ADARB2: variants seen among roughly 807,000 people sequenced by gnomAD.
The protein encoded by ADARB2 is adenosine deaminase RNA specific B2 (inactive).
In ADARB2, 25 loss-of-function variants were observed where a neutral mutation model predicts 62.2. The ratio of observed to expected loss-of-function variants is 0.40; its 90% CI spans 0.29 to 0.56. The LOEUF is 0.56. ADARB2 is among the 20% of genes least tolerant of loss of function. ADARB2 has a pLI of 0.43. For synonymous variants in ADARB2, 572 were observed against 500.8 expected (o/e 1.14, Z -1.90); for missense variants, 1,071 against 1,077.4 (o/e 0.99, Z 0.08).
chr10:1,284,362 T>C (rs1266828828), intron 3 of ADARB2, among the ~76,000 whole-genome samples: 1 of 152,140 alleles, frequency 6.6e-6, no homozygotes, highest in Non-Finnish European at 1.5e-5. Flanking sequence ...CAGCAGTTTG[T>C]TGTTTTGCTT....
intron 3 of ADARB2, among the ~76,000 whole-genome samples, chr10:1,275,900 C>T (rs1831311914): frequency 6.6e-6 from 1 of 152,012 alleles, no homozygotes; most frequent in Non-Finnish European, 1.5e-5. Context: ...TTAATCCAGT[C>T]TATCATTGTT....
chr10:1,690,628 C>A (rs565702614), intron 1 of ADARB2, among the ~76,000 whole-genome samples: 1 of 152,212 alleles, frequency 6.6e-6, no homozygotes, highest in African/African-American at 2.4e-5. Flanking sequence ...GAAGGCAGCC[C>A]CTGCTCTCCT....
At chr10:1,697,861 C>T (rs546939440) in intron 1 of ADARB2, among the ~76,000 whole-genome samples, 56 of 152,294 alleles carry the variant, frequency 3.7e-4, no homozygotes, top group Admixed American at 1.2e-3. Context: ...TTGCTTACTC[C>T]GTAACCGTGA....
intron 8 of ADARB2, chr10:1,186,709 C>T: frequency 2.5e-6 from 1 of 407,662 alleles, no homozygotes; most frequent in South Asian, 1.8e-5. Flanking sequence ...GGCGTCTTGG[C>T]CAGGGCATTG....
chr10:1,353,940 C>T (rs989258749), intron 3 of ADARB2, among the ~76,000 whole-genome samples: 2 of 152,140 alleles, frequency 1.3e-5, no homozygotes, highest in Admixed American at 6.5e-5. Flanking sequence ...TACACAGCCC[C>T]GTAAATAACA....
chr10:1,343,017 AT>A (rs1291064305), intron 3 of ADARB2, among the ~76,000 whole-genome samples: 2 of 152,232 alleles, frequency 1.3e-5, no homozygotes, highest in African/African-American at 4.8e-5. Context: ...GGGTGTGGTC[AT>A]GACCTGCTGG....
intron 1 of ADARB2, among the ~76,000 whole-genome samples, chr10:1,547,821 T>A (rs1446702936): frequency 6.9e-6 from 1 of 145,182 alleles, no homozygotes; most frequent in African/African-American, 2.6e-5. Context: ...GTGTATACAC[T>A]GTGGGGAGGG....
At chr10:1,694,284 C>T (rs903429028) in intron 1 of ADARB2, among the ~76,000 whole-genome samples, 2 of 152,178 alleles carry the variant, frequency 1.3e-5, no homozygotes, top group African/African-American at 4.8e-5. Context: ...GAAATTCATG[C>T]TTAAAATAGC....
intron 4 of ADARB2, among the ~76,000 whole-genome samples, chr10:1,266,358 G>A (rs1208219571): frequency 1.3e-5 from 2 of 152,338 alleles, no homozygotes; most frequent in Middle Eastern, 3.4e-3. Flanking sequence ...TGTGGTAGTT[G>A]GCCAAGCATC....
intron 1 of ADARB2, among the ~76,000 whole-genome samples, chr10:1,530,551 C>G (rs1478754394): frequency 2.6e-5 from 4 of 152,246 alleles, no homozygotes; most frequent in Non-Finnish European, 5.9e-5. Context: ...GCGGCCTGCT[C>G]TTCATGCGGA....
chr10:1,629,157 T>C (rs1010247393), intron 1 of ADARB2, among the ~76,000 whole-genome samples: 6 of 152,170 alleles, frequency 3.9e-5, no homozygotes, highest in Non-Finnish European at 5.9e-5. Context: ...GTTATTATTT[T>C]TTAATTTTGA....
chr10:1,378,534 T>C (rs1416176853), intron 2 of ADARB2, among the ~76,000 whole-genome samples: 1 of 152,100 alleles, frequency 6.6e-6, no homozygotes, highest in African/African-American at 2.4e-5. Flanking sequence ...CAGGTGAGGA[T>C]GGGACTGCAG....
chr10:1,375,967 ACATGTGCACACACACGCACACACACG>A (rs1423923678), intron 2 of ADARB2, among the ~76,000 whole-genome samples: 6 of 151,242 alleles, frequency 4.0e-5, no homozygotes, highest in African/African-American at 1.5e-4. Context: ...GCACACACAC[ACATGTGCACACACACGCACACACACG>A]CACATGACAC....
intron 1 of ADARB2, among the ~76,000 whole-genome samples, chr10:1,522,154 T>C (rs866639602): frequency 7.2e-5 from 11 of 152,176 alleles, no homozygotes; most frequent in Admixed American, 6.5e-4. Context: ...TATTTTAGTG[T>C]TGAGACCCTG....
chr10:1,527,334 G>A (rs146058742), intron 1 of ADARB2, among the ~76,000 whole-genome samples: 37 of 152,268 alleles, frequency 2.4e-4, no homozygotes, highest in Non-Finnish European at 5.9e-5. Flanking sequence ...CACATAGATC[G>A]GTGGTTATGA....
At chr10:1,597,690 A>G (rs1415744473) in intron 1 of ADARB2, among the ~76,000 whole-genome samples, 1 of 152,274 alleles carries the variant, frequency 6.6e-6, no homozygotes, top group East Asian at 1.9e-4. Flanking sequence ...AAATTAGTAT[A>G]GCTTCTATTG....
At chr10:1,512,599 A>G (rs975870551) in intron 1 of ADARB2, among the ~76,000 whole-genome samples, 1 of 152,258 alleles carries the variant, frequency 6.6e-6, no homozygotes, top group South Asian at 2.1e-4. Flanking sequence ...GTCTCATGAC[A>G]TGGAGAAGAG....
chr10:1,275,664 C>T (rs1163077380), intron 3 of ADARB2, among the ~76,000 whole-genome samples: 19 of 123,008 alleles, frequency 1.5e-4, no homozygotes, highest in East Asian at 6.0e-4. Flanking sequence ...CCCCTCCCCC[C>T]ACCCCACAAC....
chr10:1,279,723 C>T (rs1247545087), intron 3 of ADARB2, among the ~76,000 whole-genome samples: 1 of 152,168 alleles, frequency 6.6e-6, no homozygotes, highest in Admixed American at 6.5e-5. Context: ...TTGCTTGGGC[C>T]CTGCCATCCT....
Sources: allele counts gnomAD v4.1 joint callset (sites outside exome capture counted in the v4.1 genomes callset), GRCh38; gene constraint gnomAD v4.1.1; transcripts MANE v1.5; gene names NCBI Gene and HGNC (gene_info 2026-07-23, HGNC 2026-07-21).